Variants in DOCK9 observed in about 807,000 individuals in gnomAD.
DOCK9 encodes the protein dedicator of cytokinesis protein 9.
A neutral mutation model predicts 263.3 loss-of-function variants in DOCK9; 89 were observed. The observed-to-expected ratio is 0.34, with a 90% CI of 0.28 to 0.40. The LOEUF is 0.40. Ranked by LOEUF, DOCK9 falls within the 10% of genes least tolerant of loss-of-function variation. DOCK9 has a pLI of 1.00. For missense variants in DOCK9, 2,140 were observed against 2,603.4 expected (o/e 0.82, Z 3.87); for synonymous variants, 976 against 973.1 (o/e 1.00, Z -0.06).
At chr13:98,971,405 T>G (rs2059713446) in intron 1 of DOCK9, among the ~76,000 whole-genome samples, 1 of 152,174 alleles carries the variant, frequency 6.6e-6, no homozygotes, top group African/African-American at 2.4e-5. Context: ...CATCTATAAA[T>G]TTTTTAAAAA....
chr13:98,913,680 G>A (rs1398947132), intron 9 of DOCK9, among the ~76,000 whole-genome samples: 1 of 152,118 alleles, frequency 6.6e-6, no homozygotes. Context: ...TGGGAATAAG[G>A]ACAGTGTTTA....
chr13:98,861,374 A>G lies in DOCK9; in HGVS notation c.3580-852T>C, dbSNP rs150984834. 2.2e-4 allele frequency among the ~76,000 whole-genome samples: 34 copies of G among 152,322 alleles called. No homozygotes were observed. In the East Asian group the frequency reaches 5.6e-3, roughly 25 times the overall value. ...CATACATGAGACTCTGCAAGTGTACACCCATAATGACAAGGTAGGAAGATG... is the reference window on the plus strand; with the variant it reads ...CATACATGAGACTCTGCAAGTGTACGCCCATAATGACAAGGTAGGAAGATG... On this transcript the variant is annotated intron_variant, in intron 32 of 52. Coordinates refer to ENST00000682017, the MANE Select transcript of DOCK9 (RefSeq NM_001366683.2).
chr13:98,922,869 G>A (rs949931286), intron 5 of DOCK9, among the ~76,000 whole-genome samples: 4 of 152,182 alleles, frequency 2.6e-5, no homozygotes, highest in Non-Finnish European at 4.4e-5. Flanking sequence ...TTAGCCATGA[G>A]CTTTCCTCTA....
intron 1 of DOCK9, among the ~76,000 whole-genome samples, chr13:98,968,080 G>A (rs546622693): frequency 7.9e-5 from 12 of 152,240 alleles, no homozygotes; most frequent in African/African-American, 1.9e-4. Flanking sequence ...TGCACTGATC[G>A]GTGTGGTAGC....
At chr13:99,056,033 A>T (rs2040904006) in intron 1 of DOCK9, among the ~76,000 whole-genome samples, 1 of 152,210 alleles carries the variant, frequency 6.6e-6, no homozygotes, top group Non-Finnish European at 1.5e-5. Flanking sequence ...AATGAAACAG[A>T]ACCTGGTCTG....
intron 1 of DOCK9, among the ~76,000 whole-genome samples, chr13:99,085,096 C>G (rs1366794266): frequency 6.6e-6 from 1 of 152,256 alleles, no homozygotes. Flanking sequence ...AGCTTCATCT[C>G]CAATCTCCAC....
chr13:98,885,396 G>A (rs777466718), intron 20 of DOCK9: 2 of 524,318 alleles, frequency 3.8e-6, no homozygotes, highest in Non-Finnish European at 3.4e-6. Flanking sequence ...TTGAGCTCAC[G>A]AGTTCGAGAC....
intron 50 of DOCK9, 53 bp from the exon 51 acceptor site, chr13:98,797,542 C>CATCT (rs1413729081): frequency 4.7e-6 from 7 of 1,483,106 alleles, no homozygotes; most frequent in Non-Finnish European, 6.5e-6. Flanking sequence ...TCACCATGAC[C>CATCT]ATCTGCTCAG....
intron 9 of DOCK9, among the ~76,000 whole-genome samples, chr13:98,910,440 CTA>C (rs1217225598): frequency 6.6e-6 from 1 of 152,144 alleles, no homozygotes; most frequent in African/African-American, 2.4e-5. Context: ...ATGTTCAGTA[CTA>C]AATGTACAAA....
At chr13:98,950,262 T>C in intron 2 of DOCK9, 1 of 796,932 alleles carries the variant, frequency 1.3e-6, no homozygotes, top group Middle Eastern at 2.7e-4. Context: ...GCTTGTCGTG[T>C]TTCTGCCACG....
intron 1 of DOCK9, among the ~76,000 whole-genome samples, chr13:98,996,432 A>G (rs1881049589): frequency 6.6e-6 from 1 of 152,220 alleles, no homozygotes; most frequent in Non-Finnish European, 1.5e-5. Context: ...ATCAATACTA[A>G]TATTATATAA....
In DOCK9 at chr13:98,855,532, G is replaced by A. The variant is rs529606814; in HGVS notation, c.3831+366C>T. On this transcript the variant is annotated intron_variant, in intron 34 of 52. Transcript: ENST00000682017. ...GGTTGCAGTGAATTGAGATCGTGCC[G>A]CTGTACTCCAGCCTGGGCGACAGAG... Among the ~76,000 whole-genome samples the A allele has an allele frequency of 7.9e-5, 12 of 152,088 alleles. No homozygotes were observed. The South Asian group carries it at 1.0e-3, about 13-fold the overall frequency.
intron 2 of DOCK9, among the ~76,000 whole-genome samples, chr13:98,935,160 G>A (rs540971775): frequency 6.6e-6 from 1 of 152,256 alleles, no homozygotes; most frequent in South Asian, 2.1e-4. Flanking sequence ...AAGCTAAACT[G>A]TAAAGGATGA....
chr13:99,010,785 G>C (rs1342464003), intron 1 of DOCK9, among the ~76,000 whole-genome samples: 2 of 152,218 alleles, frequency 1.3e-5, no homozygotes, highest in African/African-American at 2.4e-5. Flanking sequence ...GTAGGAGCCT[G>C]AACAGCCCTA....
intron 33 of DOCK9, chr13:98,856,312 G>C (rs764636049): frequency 2.3e-5 from 6 of 255,564 alleles, no homozygotes; most frequent in Non-Finnish European, 4.5e-5. Flanking sequence ...GAATGTGATA[G>C]AATGAAGACT....
chr13:98,979,798 A>C (rs1876689303), upstream of DOCK9, among the ~76,000 whole-genome samples: 1 of 152,280 alleles, frequency 6.6e-6, no homozygotes, highest in Admixed American at 6.5e-5. Context: ...ATAGAGTCGA[A>C]ATTATAGTAA....
At chr13:99,087,148 T>C (rs1417835091), upstream of DOCK9, among the ~76,000 whole-genome samples, 1 of 151,938 alleles carries the variant, frequency 6.6e-6, no homozygotes, top group African/African-American at 2.4e-5. Flanking sequence ...CAGGCGGACC[T>C]GGACGGAGCG....
intron 1 of DOCK9, among the ~76,000 whole-genome samples, chr13:99,043,291 C>T (rs1460910142): frequency 1.3e-5 from 2 of 152,202 alleles, no homozygotes; most frequent in South Asian, 4.1e-4. Flanking sequence ...CTATTCCTTG[C>T]CTCAGAAATC....
intron 2 of DOCK9, chr13:98,950,491 C>T (rs938824602): frequency 4.5e-5 from 21 of 467,584 alleles, no homozygotes; most frequent in Middle Eastern, 6.0e-4. Context: ...TTTGTAGAGA[C>T]GAGGTCTTGC....
Sources: gnomAD v4.1 joint callset for allele counts (sites outside exome capture counted in the v4.1 genomes callset) on GRCh38, gnomAD v4.1.1 for gene constraint, MANE v1.5 for transcripts, NCBI Gene and HGNC (gene_info 2026-07-23, HGNC 2026-07-21) for gene names.